Variants in OIT3 observed in about 807,000 individuals in gnomAD.
OIT3 encodes the protein oncoprotein induced transcript 3.
In OIT3, 41 loss-of-function variants were observed where a neutral mutation model predicts 52.2. That is an observed-to-expected ratio of 0.79 (90% CI 0.61 to 1.02). The LOEUF (loss-of-function observed/expected upper bound fraction) is 1.02, where lower values mean the gene tolerates loss of function less well. OIT3 is among the 50% of genes least tolerant of loss of function. The probability of loss-of-function intolerance (pLI) is 0.00; values close to 1 mark genes in which losing one functional copy is unlikely to be tolerated. For missense variants in OIT3, 634 were observed against 715.5 expected, an observed-to-expected ratio of 0.89 and a Z score of 1.30; for synonymous variants, 244 against 276.9, an observed-to-expected ratio of 0.88 and a Z score of 1.18.
rs572075123 is a variant in OIT3 at position 72,932,758 on chromosome 10, G to C, written c.*234G>C. On this transcript the variant is annotated 3_prime_UTR_variant, in exon 9 of 9. Coordinates refer to ENST00000334011, the MANE Select transcript of OIT3 (RefSeq NM_152635.3). Reference sequence around the variant, plus strand: ...TCTTTCTAGGGTTGAAAACTAAACTGTCCACCCAGAAAGACACTCACCCCA... The same window carrying C: ...TCTTTCTAGGGTTGAAAACTAAACTCTCCACCCAGAAAGACACTCACCCCA... 1 of 421,828 alleles carries C rather than the reference G, an allele frequency of 2.4e-6. No individual in the cohort carries two copies. The allele number at this position is 421,828 out of a possible 1,614,324, so 26.1% of individuals were successfully genotyped here.
At chr10:72,917,242 C>G (rs7090452) in intron 6 of OIT3, among the ~76,000 whole-genome samples, 37,512 of 151,912 alleles carry the variant, frequency 0.25, 10,672 homozygotes, top group African/African-American at 0.69. Context: ...GCTTGTGCCT[C>G]TGTCTCCAAT....
chr10:72,924,775 T>C (rs1846154430), intron 7 of OIT3, 131 bp downstream of exon 7: 5 of 819,680 alleles, frequency 6.1e-6, no homozygotes, highest in African/African-American at 3.5e-5. Context: ...GAACCACTTA[T>C]TGACATTTTG....
intron 4 of OIT3, among the ~76,000 whole-genome samples, chr10:72,908,165 C>T (rs1003549986): frequency 2.0e-5 from 3 of 152,102 alleles, no homozygotes; most frequent in Non-Finnish European, 2.9e-5. Context: ...ATCACTTGAA[C>T]CTGGGAGGTG....
chr10:72,919,107 G>A (rs1036194878), intron 6 of OIT3, among the ~76,000 whole-genome samples: 4 of 152,074 alleles, frequency 2.6e-5, no homozygotes, highest in African/African-American at 7.2e-5. Flanking sequence ...CCATTTGTTT[G>A]TGTCATCTCT....
chr10:72,897,046 C>T (rs1048901038), intron 1 of OIT3, among the ~76,000 whole-genome samples: 1 of 152,086 alleles, frequency 6.6e-6, no homozygotes, highest in African/African-American at 2.4e-5. Flanking sequence ...ATTTATGAGA[C>T]GAAGTTTCAC....
intron 6 of OIT3, among the ~76,000 whole-genome samples, chr10:72,917,038 C>G (rs538056774): frequency 1.1e-3 from 171 of 151,840 alleles, no homozygotes; most frequent in African/African-American, 3.9e-3. Flanking sequence ...TTATAAATTT[C>G]TTTAAGTTTC....
intron 7 of OIT3, among the ~76,000 whole-genome samples, chr10:72,925,317 A>T (rs558790600): frequency 1.2e-4 from 19 of 152,300 alleles, no homozygotes; most frequent in African/African-American, 4.6e-4. Context: ...GTGGGCATTC[A>T]GTGGAAATGC....
chr10:72,908,674 G>T (rs1478431604), intron 4 of OIT3, among the ~76,000 whole-genome samples: 1 of 151,974 alleles, frequency 6.6e-6, no homozygotes, highest in Non-Finnish European at 1.5e-5. Flanking sequence ...TTAATAAAAT[G>T]TTCCATAAAA....
At chr10:72,905,462 G>A (rs1017128989) in intron 3 of OIT3, among the ~76,000 whole-genome samples, 4 of 150,876 alleles carry the variant, frequency 2.7e-5, no homozygotes, top group African/African-American at 9.9e-5. Flanking sequence ...CAGAGGCTCC[G>A]TCTCAAAAAA....
chr10:72,916,474 C>T (rs575510634), intron 6 of OIT3, among the ~76,000 whole-genome samples: 1 of 152,310 alleles, frequency 6.6e-6, no homozygotes, highest in East Asian at 1.9e-4. Flanking sequence ...TGGCCTCCAG[C>T]TCCATCCACT....
chr10:72,904,237 C>T (rs1357965076), intron 3 of OIT3, among the ~76,000 whole-genome samples: 2 of 152,166 alleles, frequency 1.3e-5, no homozygotes, highest in African/African-American at 2.4e-5. Flanking sequence ...TTAAGAGGGA[C>T]AGGAATTGCT....
intron 6 of OIT3, among the ~76,000 whole-genome samples, chr10:72,923,330 C>T (rs1361407457): frequency 6.6e-6 from 1 of 152,242 alleles, no homozygotes; most frequent in Non-Finnish European, 1.5e-5. Context: ...CCTGGCCCTT[C>T]CTCTGAGAGC....
chr10:72,923,385 T>C (rs1188650473), intron 6 of OIT3, among the ~76,000 whole-genome samples: 1 of 152,074 alleles, frequency 6.6e-6, no homozygotes, highest in Non-Finnish European at 1.5e-5. Flanking sequence ...TTAACATACC[T>C]GTAGATGGTG....
Position 72,913,413 on chromosome 10 carries a change from A to C in OIT3, c.896A>C (p.Asn299Thr), listed in dbSNP as rs758232118. 5.6e-6 allele frequency: 9 copies of C among 1,613,510 alleles called. No homozygotes were observed. The South Asian group carries it at 8.8e-5, about 16-fold the overall frequency. Residue 299 changes from asparagine (N) to threonine (T), a missense_variant, in exon 6 of 9, where the codon AAC becomes ACC. By Grantham distance (65) the Asn-to-Thr change is moderately conservative. Coordinates refer to ENST00000334011, the MANE Select transcript of OIT3 (RefSeq NM_152635.3). ...AACACCTCCTGCCGAGGAGTGTCCA[A>C]CGGCACCCATGTCAACATCCTCTTC... is the stretch of plus-strand genomic sequence containing the variant. Reference protein sequence around the residue: ...LTNTSCRGVSNGTHVNILFSL... With the variant: ...LTNTSCRGVSTGTHVNILFSL...
intron 7 of OIT3, 48 bp from the exon 8 acceptor site, chr10:72,930,490 C>G (rs1342925233): frequency 7.3e-7 from 1 of 1,370,844 alleles, no homozygotes. Context: ...TGTTTTTCCA[C>G]CTCTGTTGAA....
intron 4 of OIT3, among the ~76,000 whole-genome samples, chr10:72,911,428 C>T (rs141436714): frequency 6.6e-6 from 1 of 152,280 alleles, no homozygotes; most frequent in African/African-American, 2.4e-5. Flanking sequence ...CCTAAAAACT[C>T]ATAACCCCAG....
chr10:72,930,758 A>G, intron 8 of OIT3, 121 bp downstream of exon 8: 1 of 651,256 alleles, frequency 1.5e-6, no homozygotes. Flanking sequence ...GCTCAAGAGA[A>G]AAACAGAGAA....
At chr10:72,926,585 C>T (rs1016323762) in intron 7 of OIT3, among the ~76,000 whole-genome samples, 1 of 152,200 alleles carries the variant, frequency 6.6e-6, no homozygotes, top group African/African-American at 2.4e-5. Context: ...AGTAAATCTG[C>T]TTCTCAGAAG....
At chr10:72,909,909 G>A (rs1042466479) in intron 4 of OIT3, among the ~76,000 whole-genome samples, 7 of 152,154 alleles carry the variant, frequency 4.6e-5, no homozygotes, top group Non-Finnish European at 7.4e-5. Context: ...GCCTCCCAAA[G>A]GGCTGGGATT....
Sources: allele counts gnomAD v4.1 joint callset (sites outside exome capture counted in the v4.1 genomes callset), GRCh38; gene constraint gnomAD v4.1.1; transcripts MANE v1.5; gene names NCBI Gene and HGNC (gene_info 2026-07-23, HGNC 2026-07-21).